SLC45A4: variants seen among roughly 807,000 people sequenced by gnomAD.
SLC45A4 encodes the protein solute carrier family 45 member 4, also known as polyamine-transporter SLC45A4.
In SLC45A4, 32 loss-of-function variants were observed where a neutral mutation model predicts 63.7. That is an observed-to-expected ratio of 0.50 (90% confidence interval 0.38 to 0.67). SLC45A4 has a LOEUF of 0.67. Among genes scored for constraint, SLC45A4 ranks in the 30% least tolerant of loss-of-function variants. The pLI, the probability that SLC45A4 is intolerant of heterozygous loss-of-function variation, is 0.00. For missense variants in SLC45A4, 1,027 were observed against 1,157.7 expected (o/e 0.89, Z 1.64); for synonymous variants, 535 against 510.0 (o/e 1.05, Z -0.66).
At position 141,209,246 on chromosome 8, in the gene SLC45A4, C is replaced by G. The variant is rs1825682193; in HGVS notation, c.*2326G>C. 6.6e-6 allele frequency: 1 copy of G among 152,424 alleles called. No homozygotes were observed. The highest frequency in any genetic ancestry group is 2.4e-5 in the African/African-American group (1 of 41,482). 9.4% of individuals were successfully genotyped at this position (152,424 alleles called of 1,614,324 possible). Reference sequence around the variant, plus strand: ...ACAGACACCCGAGCTGCAGCCTGACCCACACAAGCTGCGGGCGCAATGGCG... The same window carrying G: ...ACAGACACCCGAGCTGCAGCCTGACGCACACAAGCTGCGGGCGCAATGGCG... On this transcript the variant is annotated 3_prime_UTR_variant, in exon 9 of 9. Transcript: ENST00000517878.
rs529001595 is a variant in SLC45A4 at position 141,276,482 on chromosome 8, A to C, written c.-400-21853T>G. ...CGGAAACACTACAGAAGCCTTCCCC[A>C]ATCTGGCAACAGCATGAAAGTGGCA... On this transcript the variant is annotated intron_variant, in intron 1 of 8. Coordinates refer to ENST00000517878, the MANE Select transcript of SLC45A4 (RefSeq NM_001286646.2). Among the ~76,000 whole-genome samples, 206 of 152,290 alleles carry C rather than the reference A, an allele frequency of 1.4e-3. 1 individual carries two copies. The highest frequency in any genetic ancestry group is 4.6e-3 in the African/African-American group (191 of 41,562).
chr8:141,258,453 T>G (rs940859508), intron 1 of SLC45A4, among the ~76,000 whole-genome samples: 1 of 152,250 alleles, frequency 6.6e-6, no homozygotes, highest in African/African-American at 2.4e-5. Flanking sequence ...GAATCACTGA[T>G]GAGCCACAGA....
intron 1 of SLC45A4, among the ~76,000 whole-genome samples, chr8:141,285,865 A>G (rs1830123346): frequency 6.6e-6 from 1 of 152,188 alleles, no homozygotes; most frequent in Admixed American, 6.5e-5. Context: ...CCATGGTCCC[A>G]GTAGGGCACC....
At position 141,218,586 on chromosome 8, in the gene SLC45A4, C is replaced by G. The variant is rs368211710; in HGVS notation, c.1054G>C (p.Ala352Pro). Reference sequence around the variant, plus strand: ...GCCAGGCGGGGCAGCTTGGTCTTGGCGAGCTCCTGGCTGGTGCTGCGGGGG... The same window carrying G: ...GCCAGGCGGGGCAGCTTGGTCTTGGGGAGCTCCTGGCTGGTGCTGCGGGGG... Reference protein sequence around the residue: ...ATPRSTSQELAKTKLPRLATF... With the variant: ...ATPRSTSQELPKTKLPRLATF... Residue 352 changes from alanine (A) to proline (P), a missense_variant, in exon 5 of 9, where the codon GCC becomes CCC. Coordinates refer to ENST00000517878, the MANE Select transcript of SLC45A4 (RefSeq NM_001286646.2). 5.8e-5 allele frequency: 93 copies of G among 1,613,302 alleles called. No individual in the cohort carries two copies. Among genetic ancestry groups the G allele is most frequent in the East Asian group, 5.3e-4 (24 of 44,888 alleles).
chr8:141,237,606 T>C (rs1746474928), intron 2 of SLC45A4, among the ~76,000 whole-genome samples: 1 of 152,078 alleles, frequency 6.6e-6, no homozygotes, highest in African/African-American at 2.4e-5. Context: ...CTGGAGGGCC[T>C]CCAGGGCAAA....
chr8:141,233,842 G>A (rs1827490209), intron 2 of SLC45A4, among the ~76,000 whole-genome samples: 1 of 152,208 alleles, frequency 6.6e-6, no homozygotes, highest in African/African-American at 2.4e-5. Context: ...CAGGGCCTTG[G>A]CTAGGCAGGT....
Position 141,207,903 on chromosome 8 carries a change from C to T in SLC45A4, c.*3669G>A, listed in dbSNP as rs1047514247. 3.3e-5 allele frequency: 5 copies of T among 152,312 alleles called. No homozygotes were observed. Among genetic ancestry groups the T allele is most frequent in the African/African-American group, 1.2e-4 (5 of 41,458 alleles). The allele number at this position is 152,312 out of a possible 1,614,324, so 9.4% of individuals were successfully genotyped here. ...TCAACTCGGAACTGAACTGACACCTCTCCCAGGTGGTGAAGGGCAGAACCC... is the reference window on the plus strand; with the variant it reads ...TCAACTCGGAACTGAACTGACACCTTTCCCAGGTGGTGAAGGGCAGAACCC... On this transcript the variant is annotated 3_prime_UTR_variant, in exon 9 of 9. Coordinates refer to ENST00000517878, the MANE Select transcript of SLC45A4 (RefSeq NM_001286646.2).
chr8:141,258,226 A>G (rs966969808), intron 1 of SLC45A4, among the ~76,000 whole-genome samples: 5 of 152,052 alleles, frequency 3.3e-5, no homozygotes, highest in Admixed American at 1.3e-4. Context: ...GAGTCTCTCT[A>G]ACAGGAAAGA....
intron 1 of SLC45A4, among the ~76,000 whole-genome samples, chr8:141,262,223 G>A (rs577752592): frequency 6.7e-4 from 101 of 150,542 alleles, no homozygotes; most frequent in Non-Finnish European, 1.1e-3. Context: ...AATTCAAGAT[G>A]GATTAAAGAC....
chr8:141,231,511 G>A lies in SLC45A4; in HGVS notation c.242-9746C>T, dbSNP rs373813412. Among the ~76,000 whole-genome samples, 12 of 152,368 alleles carry A rather than the reference G, an allele frequency of 7.9e-5. No individual in the cohort carries two copies. In the East Asian group the frequency reaches 1.7e-3, roughly 22 times the overall value. ...GGAGGGGCTGCTCCAAGAGGGCCGCGCAGCTACCTGGAGTCGGATGCCACG... is the reference window on the plus strand; with the variant it reads ...GGAGGGGCTGCTCCAAGAGGGCCGCACAGCTACCTGGAGTCGGATGCCACG... On this transcript the variant is annotated intron_variant, in intron 2 of 8. Transcript: ENST00000517878.
chr8:141,268,072 T>G (rs994329702), intron 1 of SLC45A4, among the ~76,000 whole-genome samples: 2 of 152,214 alleles, frequency 1.3e-5, no homozygotes, highest in African/African-American at 4.8e-5. Flanking sequence ...GACGTCCTTG[T>G]GTAGGTGACT....
At chr8:141,284,071 T>C (rs77828312) in intron 1 of SLC45A4, among the ~76,000 whole-genome samples, 2 of 152,344 alleles carry the variant, frequency 1.3e-5, no homozygotes, top group East Asian at 3.9e-4. Context: ...CTGGCTTTCA[T>C]GTACACATTA....
intron 2 of SLC45A4, among the ~76,000 whole-genome samples, chr8:141,244,557 G>A (rs1828075081): frequency 6.6e-6 from 1 of 152,144 alleles, no homozygotes; most frequent in South Asian, 2.1e-4. Context: ...GGCTGCAGGG[G>A]GTCCTGGAGC....
chr8:141,282,365 A>G (rs1485684104), intron 1 of SLC45A4, among the ~76,000 whole-genome samples: 1 of 152,214 alleles, frequency 6.6e-6, no homozygotes, highest in Non-Finnish European at 1.5e-5. Context: ...GCTCTGAACG[A>G]GCCTGAAGAA....
At position 141,208,948 on chromosome 8, in the gene SLC45A4, A is replaced by T. The variant is rs925488740; in HGVS notation, c.*2624T>A. On this transcript the variant is annotated 3_prime_UTR_variant, in exon 9 of 9. Coordinates refer to ENST00000517878, the MANE Select transcript of SLC45A4 (RefSeq NM_001286646.2). ...GTCTGCGCACATTACACAAGACTCG[A>T]CCAACCGACACACCCTGCCTGACAC... 2.0e-5 allele frequency: 3 copies of T among 152,532 alleles called. No homozygotes were observed. The highest frequency in any genetic ancestry group is 1.9e-4 in the East Asian group (1 of 5,190). The allele number at this position is 152,532 out of a possible 1,614,324, so 9.4% of individuals were successfully genotyped here. A position where few individuals can be genotyped will look rare whatever the true frequency, so the allele number is the denominator to read the frequency against.
chr8:141,282,796 A>G (rs1830002711), intron 1 of SLC45A4, among the ~76,000 whole-genome samples: 1 of 152,278 alleles, frequency 6.6e-6, no homozygotes, highest in African/African-American at 2.4e-5. Flanking sequence ...GGCAGCTGCA[A>G]GTCCGTGGGC....
At chr8:141,228,317 A>AG in intron 2 of SLC45A4, 1 of 1,604,714 alleles carries the variant, frequency 6.2e-7, no homozygotes, top group African/African-American at 1.3e-5. Context: ...AGCAACTCCC[A>AG]GGGGGCCACT....
rs1048258670 is a variant in SLC45A4, at chr8:141,218,415, A to T, written c.1225T>A (p.Ser409Thr). The change falls in exon 5 of 9, where the codon TCG becomes ACG. Residue 409 changes from serine to threonine, a missense_variant. Ser to Thr is a moderately conservative substitution (Grantham distance 58). Coordinates refer to ENST00000517878, the MANE Select transcript of SLC45A4 (RefSeq NM_001286646.2). The stretch of plus-strand genomic sequence containing the variant: ...TGCCGCCGCCGCCGCATGGAGCTCG[A>T]CGTGGCCGAGGGCTTCGTGTCCACC... ...TRVDTKPSAT[S>T]SSMRRRRHAF... 3.1e-6 allele frequency: 5 copies of T among 1,610,984 alleles called. No homozygotes were observed. The highest frequency in any genetic ancestry group is 4.2e-6 in the Non-Finnish European group (5 of 1,179,910).
At chr8:141,277,370 A>T (rs982863085) in intron 1 of SLC45A4, among the ~76,000 whole-genome samples, 2 of 152,270 alleles carry the variant, frequency 1.3e-5, no homozygotes, top group African/African-American at 4.8e-5. Flanking sequence ...AGTGATGGAC[A>T]AAGGTTCATG....
Sources: gnomAD v4.1 joint callset for allele counts (sites outside exome capture counted in the v4.1 genomes callset) on GRCh38, gnomAD v4.1.1 for gene constraint, MANE v1.5 for transcripts, NCBI Gene and HGNC (gene_info 2026-07-23, HGNC 2026-07-21) for gene names.